DOCK8: variants seen among roughly 807,000 people sequenced by gnomAD.
DOCK8 encodes the protein dedicator of cytokinesis 8.
In DOCK8, 141 loss-of-function variants were observed where a neutral mutation model predicts 245.6. The ratio of observed to expected loss-of-function variants is 0.57; its 90% CI spans 0.50 to 0.66. The LOEUF (loss-of-function observed/expected upper bound fraction) is 0.66. DOCK8 is among the 30% of genes least tolerant of loss of function. The pLI is 0.00. For missense variants in DOCK8, 2,965 were observed against 2,603.4 expected (o/e 1.14, Z -3.02); for synonymous variants, 1,168 against 970.2 (o/e 1.20, Z -3.79).
At chr9:400,012 A>ACCAGCAC (rs1564011425) in intron 26 of DOCK8, among the ~76,000 whole-genome samples, 3 of 94,098 alleles carry the variant, frequency 3.2e-5, no homozygotes, top group African/African-American at 1.2e-4. Flanking sequence ...CACCTCCACC[A>ACCAGCAC]TCACCACCAC....
chr9:270,227 T>C (rs1563856245), intron 1 of DOCK8, among the ~76,000 whole-genome samples: 1 of 152,362 alleles, frequency 6.6e-6, no homozygotes, highest in South Asian at 2.1e-4. Context: ...AATGTATGCT[T>C]GCAGCTACAG....
Position 379,787 on chromosome 9 carries a change from T to A in DOCK8, c.2457T>A (p.Phe819Leu), listed in dbSNP as rs1443840217. The A allele has an allele frequency of 1.2e-6, 2 of 1,614,250 alleles. 1 individual carries two copies. Among genetic ancestry groups the A allele is most frequent in the South Asian group, 2.2e-5 (2 of 91,088 alleles). Residue 819 changes from phenylalanine to leucine, a missense_variant, in exon 21 of 48, where the codon TTT becomes TTA. This residue lies in a region of DOCK8 where 2,825 missense variants were observed against 2,453.5 expected (regional missense o/e 1.15). Transcript: ENST00000432829. ...IAGQTANFSQ[F>L]AFESVVAIAN... Reference sequence around the variant, plus strand: ...GTTCCTCAGCCAACTTCTCCCAGTTTGCCTTCGAGTCCGTGGTGGCCATCG... The same window carrying A: ...GTTCCTCAGCCAACTTCTCCCAGTTAGCCTTCGAGTCCGTGGTGGCCATCG...
intron 14 of DOCK8, among the ~76,000 whole-genome samples, chr9:344,531 GGCAA>G (rs1176013977): frequency 6.0e-5 from 9 of 150,312 alleles, no homozygotes; most frequent in African/African-American, 2.2e-4. Flanking sequence ...AGGTAAAATT[GGCAA>G]GCTGACTAAG....
chr9:352,902 C>A (rs933152522), intron 14 of DOCK8, among the ~76,000 whole-genome samples: 3 of 151,980 alleles, frequency 2.0e-5, no homozygotes, highest in African/African-American at 7.3e-5. Flanking sequence ...GCTCCTTCCT[C>A]ACCATGTGTC....
chr9:451,338 T>A (rs2057428692), intron 45 of DOCK8, among the ~76,000 whole-genome samples: 1 of 149,558 alleles, frequency 6.7e-6, no homozygotes, highest in African/African-American at 2.5e-5. Flanking sequence ...AGAAAATAAA[T>A]TTGGGCTGTG....
chr9:288,057 G>T (rs1470342965), intron 3 of DOCK8, among the ~76,000 whole-genome samples: 2 of 148,910 alleles, frequency 1.3e-5, no homozygotes, highest in African/African-American at 5.1e-5. Flanking sequence ...GGAAGGAGGA[G>T]GTTTTTTTTT....
chr9:438,876 G>C (rs918917230), intron 39 of DOCK8, among the ~76,000 whole-genome samples: 1 of 152,352 alleles, frequency 6.6e-6, no homozygotes, highest in Middle Eastern at 3.4e-3. Context: ...GGTCCACTCG[G>C]TGAAACAGGG....
At chr9:347,209 GTCAAA>G (rs761167932) in intron 14 of DOCK8, among the ~76,000 whole-genome samples, 2 of 152,106 alleles carry the variant, frequency 1.3e-5, no homozygotes, top group African/African-American at 4.8e-5. Flanking sequence ...ATATGGAGTT[GTCAAA>G]TGCTCCATAC....
In DOCK8 at chr9:344,636, C is replaced by T. The variant is rs557685930; in HGVS notation, c.1679+4315C>T. On this transcript the variant is annotated intron_variant, in intron 14 of 47. Transcript: ENST00000432829. Reference sequence around the variant, plus strand: ...TCCCCATATCTCAAAAAACCTGGACCTTGTAGCTTTTCTATACTGGCCCCC... The same window carrying T: ...TCCCCATATCTCAAAAAACCTGGACTTTGTAGCTTTTCTATACTGGCCCCC... Among the ~76,000 whole-genome samples the T allele has an allele frequency of 4.6e-5, 7 of 152,218 alleles. No individual in the cohort carries two copies. The South Asian group carries it at 1.5e-3, about 32-fold the overall frequency.
chr9:362,084 A>G (rs1429535704), intron 14 of DOCK8, among the ~76,000 whole-genome samples: 1 of 152,146 alleles, frequency 6.6e-6, no homozygotes, highest in East Asian at 1.9e-4. Context: ...TGTAAGTAAA[A>G]TATTTTCAGA....
intron 14 of DOCK8, among the ~76,000 whole-genome samples, chr9:345,481 C>G (rs2051834292): frequency 6.6e-6 from 1 of 152,174 alleles, no homozygotes; most frequent in Admixed American, 6.5e-5. Context: ...GTTCTAATAG[C>G]AGATGTTTTC....
intron 36 of DOCK8, among the ~76,000 whole-genome samples, chr9:430,450 G>A (rs1399755896): frequency 6.6e-6 from 1 of 152,046 alleles, no homozygotes; most frequent in African/African-American, 2.4e-5. Flanking sequence ...GGGAGGCCAA[G>A]GCAGGCAGAT....
chr9:387,376 G>A (rs1212792173), intron 23 of DOCK8, among the ~76,000 whole-genome samples: 1 of 151,490 alleles, frequency 6.6e-6, no homozygotes, highest in Non-Finnish European at 1.5e-5. Context: ...ACGGGAGGCA[G>A]AGGCTGCAGT....
Position 401,955 on chromosome 9 carries a change from G to C in DOCK8, c.3234+2696G>C, listed in dbSNP as rs116432153. Among the ~76,000 whole-genome samples the C allele has an allele frequency of 5.4e-3, 824 of 152,256 alleles. 10 individuals carry two copies. The highest frequency in any genetic ancestry group is 0.019 in the African/African-American group (798 of 41,542). On this transcript the variant is annotated intron_variant, in intron 26 of 47. Transcript: ENST00000432829. ...GCCCTGCAGCGGATCTTCTGTCCCAGGACCCACCAGAATAGAATGGCAGAG... is the reference window on the plus strand; with the variant it reads ...GCCCTGCAGCGGATCTTCTGTCCCACGACCCACCAGAATAGAATGGCAGAG...
Position 370,305 on chromosome 9 carries a change from G to C in DOCK8, c.1868+5G>C. On this transcript the variant is annotated splice_donor_5th_base_variant and intron_variant, in intron 16 of 47. Transcript: ENST00000432829. The stretch of plus-strand genomic sequence containing the variant: ...AGCTGTTACATACCATAATAAGTAA[G>C]TCTATTTCAGCATTCTAAATATATG... 1.2e-6 allele frequency: 2 copies of C among 1,613,114 alleles called. No individual in the cohort carries two copies. The highest frequency in any genetic ancestry group is 1.7e-6 in the Non-Finnish European group (2 of 1,179,074).
intron 14 of DOCK8, among the ~76,000 whole-genome samples, chr9:343,497 AAT>A (rs1489298577): frequency 3.5e-4 from 53 of 152,228 alleles, no homozygotes; most frequent in Non-Finnish European, 6.2e-4. Context: ...AAAAAAAAAA[AAT>A]AATTTAGAAA....
At chr9:421,841 T>G (rs776046677) in intron 32 of DOCK8, among the ~76,000 whole-genome samples, 1 of 152,118 alleles carries the variant, frequency 6.6e-6, no homozygotes, top group African/African-American at 2.4e-5. Flanking sequence ...AGGCAGAGGT[T>G]CTTCTTATAT....
intron 46 of DOCK8, chr9:459,620 G>A (rs764521584): frequency 2.0e-5 from 3 of 152,272 alleles, no homozygotes; most frequent in Non-Finnish European, 4.4e-5. Context: ...CCATGAGAAT[G>A]GTTTTGCTGC....
chr9:229,313 C>T (rs1190625483), intron 1 of DOCK8, among the ~76,000 whole-genome samples: 1 of 152,098 alleles, frequency 6.6e-6, no homozygotes, highest in Non-Finnish European at 1.5e-5. Context: ...AAACTGAGAC[C>T]AAATAAAACT....
Sources: allele counts gnomAD v4.1 joint callset (sites outside exome capture counted in the v4.1 genomes callset), GRCh38; gene constraint gnomAD v4.1.1; regional missense constraint gnomAD v4.1.1; transcripts MANE v1.5; gene names NCBI Gene and HGNC (gene_info 2026-07-23, HGNC 2026-07-21).